Variants in MAGI2 observed in about 807,000 individuals in gnomAD.
The protein encoded by MAGI2 is membrane-associated guanylate kinase, WW and PDZ domain-containing protein 2.
A neutral mutation model predicts 133.3 loss-of-function variants in MAGI2; 35 were observed. That is an observed-to-expected ratio of 0.26 (90% CI 0.20 to 0.35). The LOEUF is 0.35. Among genes scored for constraint, MAGI2 ranks in the 10% least tolerant of loss-of-function variants. The pLI, the probability that MAGI2 is intolerant of heterozygous loss-of-function variation, is 1.00. For synonymous variants in MAGI2, 729 were observed against 710.6 expected, an observed-to-expected ratio of 1.03 and a Z score of -0.41; for missense variants, 1,636 against 1,863.4, an observed-to-expected ratio of 0.88 and a Z score of 2.25.
intron 21 of MAGI2, 154 bp downstream of exon 21, chr7:78,078,793 T>TGTGTGTGTGG (rs1274241372): frequency 2.8e-6 from 2 of 722,508 alleles, no homozygotes; most frequent in Non-Finnish European, 4.7e-6. Flanking sequence ...TGTGTATGTG[T>TGTGTGTGTGG]GTGTGTGTGT....
intron 1 of MAGI2, 53 bp downstream of exon 1, chr7:79,452,967 G>T (rs1003900): frequency 6.7e-7 from 1 of 1,494,600 alleles, no homozygotes; most frequent in Non-Finnish European, 8.9e-7. Context: ...ATTGCCCTGC[G>T]CCCCGAGCGG....
chr7:78,788,032 CTG>C (rs1195146204), intron 2 of MAGI2, among the ~76,000 whole-genome samples: 1 of 152,164 alleles, frequency 6.6e-6, no homozygotes, highest in African/African-American at 2.4e-5. Context: ...TCCTGTTCTA[CTG>C]TGTGTGATGC....
intron 6 of MAGI2, chr7:78,486,728 G>A (rs2150479834): frequency 1.2e-5 from 5 of 400,388 alleles, no homozygotes; most frequent in Non-Finnish European, 1.9e-5. Flanking sequence ...CGGTGGTTTG[G>A]AAAATGTTGG....
intron 1 of MAGI2, among the ~76,000 whole-genome samples, chr7:79,368,847 C>CAAAAAAAAA (rs71095400): frequency 2.7e-5 from 2 of 75,354 alleles, no homozygotes; most frequent in African/African-American, 4.1e-5. Context: ...GACTCCGTCT[C>CAAAAAAAAA]AAAAAAAAAA....
intron 6 of MAGI2, among the ~76,000 whole-genome samples, chr7:78,390,664 T>C (rs1795819517): frequency 6.6e-6 from 1 of 152,062 alleles, no homozygotes; most frequent in African/African-American, 2.4e-5. Context: ...GGGAAGCTAC[T>C]CTATATTAAG....
chr7:78,515,782 C>T (rs1795989437), intron 4 of MAGI2, among the ~76,000 whole-genome samples: 1 of 151,888 alleles, frequency 6.6e-6, no homozygotes, highest in Non-Finnish European at 1.5e-5. Flanking sequence ...ACCTATAATC[C>T]CAGCTACTTG....
At chr7:78,061,161 C>CA (rs58941684) in intron 21 of MAGI2, among the ~76,000 whole-genome samples, 21,931 of 97,214 alleles carry the variant, frequency 0.23, 1,885 homozygotes, top group Middle Eastern at 0.29. Context: ...AAGACTGTCT[C>CA]AAAAAAAAAA....
intron 10 of MAGI2, among the ~76,000 whole-genome samples, chr7:78,213,613 C>T (rs1787982744): frequency 6.6e-6 from 1 of 152,200 alleles, no homozygotes; most frequent in South Asian, 2.1e-4. Context: ...CCATAACCTG[C>T]TCTTGTGCCA....
chr7:79,278,414 C>T (rs544925345), intron 1 of MAGI2, among the ~76,000 whole-genome samples: 1 of 152,236 alleles, frequency 6.6e-6, no homozygotes, highest in South Asian at 2.1e-4. Flanking sequence ...TAAGAACAGC[C>T]TAACACACTC....
intron 2 of MAGI2, among the ~76,000 whole-genome samples, chr7:78,858,558 G>T (rs529928329): frequency 6.6e-6 from 1 of 152,080 alleles, no homozygotes; most frequent in Non-Finnish European, 1.5e-5. Context: ...GTAGTTGAGC[G>T]GTTTTGAGTG....
At chr7:78,443,373 A>G (rs1240475526) in intron 6 of MAGI2, among the ~76,000 whole-genome samples, 1 of 151,958 alleles carries the variant, frequency 6.6e-6, no homozygotes, top group African/African-American at 2.4e-5. Flanking sequence ...GAAATTCGAA[A>G]CCCTGCTTCT....
chr7:78,018,992 C>A lies in MAGI2; in HGVS notation c.*323G>T. The A allele has an allele frequency of 2.5e-6, 1 of 399,696 alleles. No homozygotes were observed. Among genetic ancestry groups the A allele is most frequent in the African/African-American group, 2.1e-5 (1 of 48,642 alleles). 24.8% of individuals were successfully genotyped at this position (399,696 alleles called of 1,614,324 possible). A position where few individuals can be genotyped will look rare whatever the true frequency, so the allele number is the denominator to read the frequency against. On this transcript the variant is annotated 3_prime_UTR_variant, in exon 22 of 22. Transcript: ENST00000354212. ...TTGGATGACATCCAAGTCCTTCATG[C>A]AGTGGGGAGGAATATTTTTTTTTCT...
chr7:78,480,464 A>G (rs1792240243), intron 6 of MAGI2, among the ~76,000 whole-genome samples: 2 of 151,908 alleles, frequency 1.3e-5, no homozygotes, highest in South Asian at 4.1e-4. Flanking sequence ...AAACACAGAC[A>G]CATAGACACA....
intron 20 of MAGI2, among the ~76,000 whole-genome samples, chr7:78,101,587 A>G (rs1818214526): frequency 1.3e-5 from 2 of 152,182 alleles, no homozygotes; most frequent in South Asian, 4.1e-4. Flanking sequence ...AAAACCTGAA[A>G]ATTTAAAACT....
At chr7:79,117,834 G>A (rs1819541403) in intron 1 of MAGI2, among the ~76,000 whole-genome samples, 1 of 152,132 alleles carries the variant, frequency 6.6e-6, no homozygotes, top group African/African-American at 2.4e-5. Flanking sequence ...GTAGTTAGCG[G>A]GGTGTACACA....
At chr7:79,038,860 G>C (rs564692058) in intron 1 of MAGI2, among the ~76,000 whole-genome samples, 1 of 152,124 alleles carries the variant, frequency 6.6e-6, no homozygotes, top group South Asian at 2.1e-4. Context: ...CCATGTCATG[G>C]TACTCCATGC....
In MAGI2 at chr7:78,363,514, A is replaced by AATAATAATAATAATAATG. The variant is rs1267272445; in HGVS notation, c.1103+5641_1103+5642insCATTATTATTATTATTAT. 5.3e-3 allele frequency among the ~76,000 whole-genome samples: 177 copies of AATAATAATAATAATAATG among 33,616 alleles called. 2 individuals are homozygous for AATAATAATAATAATAATG. The highest frequency in any genetic ancestry group is 0.034 in the South Asian group (57 of 1,686). 22.1% of individuals were successfully genotyped at this position (33,616 alleles called of 152,430 possible). ...TCTCGAAAATAATAATAATAATGATAATAATAATAATAATAATAATTCTGA... is the reference window on the plus strand; with the variant it reads ...TCTCGAAAATAATAATAATAATGATAATAATAATAATAATAATGATAATAATAATAATAATAATTCTGA... On this transcript the variant is annotated intron_variant, in intron 7 of 21. Transcript: ENST00000354212.
intron 21 of MAGI2, among the ~76,000 whole-genome samples, chr7:78,047,157 C>T (rs1313119420): frequency 2.0e-5 from 3 of 152,142 alleles, no homozygotes; most frequent in Non-Finnish European, 2.9e-5. Context: ...GCTCTCTGTG[C>T]ATCATCTTAA....
chr7:78,270,074 G>A (rs1217455828), intron 9 of MAGI2, among the ~76,000 whole-genome samples: 1 of 152,076 alleles, frequency 6.6e-6, no homozygotes, highest in African/African-American at 2.4e-5. Context: ...TCAAATGCTG[G>A]TAGATATGTG....
Sources: allele counts gnomAD v4.1 joint callset (sites outside exome capture counted in the v4.1 genomes callset), GRCh38; gene constraint gnomAD v4.1.1; transcripts MANE v1.5; gene names NCBI Gene and HGNC (gene_info 2026-07-23, HGNC 2026-07-21).